UCK2: variants seen among roughly 807,000 people sequenced by gnomAD.
UCK2 encodes the protein cytidine monophosphokinase 2.
UCK2 carries 6 observed loss-of-function variants against 30.8 expected under a neutral mutation model. The observed-to-expected ratio is 0.19, with a 90% CI of 0.11 to 0.38. The LOEUF is 0.38. UCK2 is among the 10% of genes least tolerant of loss of function. The pLI is 1.00. For missense variants in UCK2, 210 were observed against 339.8 expected (o/e 0.62, Z 3.00); for synonymous variants, 125 against 133.6 (o/e 0.94, Z 0.45).
At chr1:165,884,735 G>A (rs1479110327) in intron 1 of UCK2, among the ~76,000 whole-genome samples, 1 of 152,244 alleles carries the variant, frequency 6.6e-6, no homozygotes, top group East Asian at 1.9e-4. Flanking sequence ...GCCACCTCCA[G>A]GGTGAGAACG....
intron 1 of UCK2, among the ~76,000 whole-genome samples, chr1:165,887,266 A>G (rs1655638345): frequency 6.6e-6 from 1 of 152,228 alleles, no homozygotes; most frequent in Non-Finnish European, 1.5e-5. Flanking sequence ...GGACTGAAAC[A>G]TGCAGCGGGG....
chr1:165,906,139 G>A (rs1647650655), intron 6 of UCK2, among the ~76,000 whole-genome samples, 170 bp downstream of exon 6: 1 of 152,194 alleles, frequency 6.6e-6, no homozygotes, highest in South Asian at 2.1e-4. Context: ...TCAGGAACAG[G>A]TCCCTGGGTG....
At chr1:165,851,943 A>G (rs937496092) in intron 1 of UCK2, among the ~76,000 whole-genome samples, 3 of 152,210 alleles carry the variant, frequency 2.0e-5, no homozygotes, top group Non-Finnish European at 2.9e-5. Context: ...ATAGTGTTGC[A>G]TGGAGTATAT....
In UCK2 at chr1:165,907,783, G is replaced by A; in HGVS notation, c.746G>A (p.Arg249His). Residue 249 changes from arginine to histidine, a missense_variant, in exon 7 of 7, where the codon CGC becomes CAC. Coordinates refer to ENST00000367879, the MANE Select transcript of UCK2 (RefSeq NM_012474.5). Reference sequence around the variant, plus strand: ...TGTCTCAACGGCTACACCCCTTCACGCAAGAGGCAGGCATCGGAGTCCAGC... The same window carrying A: ...TGTCTCAACGGCTACACCCCTTCACACAAGAGGCAGGCATCGGAGTCCAGC... Reference protein sequence around the residue: ...NGCLNGYTPSRKRQASESSSR... With the variant: ...NGCLNGYTPSHKRQASESSSR... 1 of 1,614,124 alleles carries A rather than the reference G, an allele frequency of 6.2e-7. No individual in the cohort carries two copies. Among genetic ancestry groups the A allele is most frequent in the Non-Finnish European group, 8.5e-7 (1 of 1,180,034 alleles).
chr1:165,856,230 G>A (rs72699981), intron 1 of UCK2, among the ~76,000 whole-genome samples: 16,949 of 151,862 alleles, frequency 0.11, 997 homozygotes, highest in African/African-American at 0.14. Context: ...CAGCTAATCA[G>A]TGGCCTAGCC....
intron 1 of UCK2, among the ~76,000 whole-genome samples, chr1:165,874,293 C>A (rs926359739): frequency 1.3e-5 from 2 of 151,956 alleles, no homozygotes; most frequent in Non-Finnish European, 2.9e-5. Flanking sequence ...TATGCTAGAC[C>A]CCTGTTGACT....
At chr1:165,849,417 G>A (rs778815712) in intron 1 of UCK2, among the ~76,000 whole-genome samples, 3 of 152,058 alleles carry the variant, frequency 2.0e-5, no homozygotes, top group Non-Finnish European at 4.4e-5. Flanking sequence ...GACCACAGCA[G>A]ATTTCTCTAT....
chr1:165,890,200 A>G lies in UCK2; in HGVS notation c.100-4A>G. ...TTCCTGGGTGCTCTCTTCTCTCCTC[A>G]CAGTCTTCCGTGTGTGCTAAGATCG... On this transcript the variant is annotated splice_region_variant and splice_polypyrimidine_tract_variant and intron_variant, in intron 1 of 6. Coordinates refer to ENST00000367879, the MANE Select transcript of UCK2 (RefSeq NM_012474.5). The G allele has an allele frequency of 3.1e-6, 5 of 1,613,628 alleles. No individual in the cohort carries two copies. The highest frequency in any genetic ancestry group is 4.2e-6 in the Non-Finnish European group (5 of 1,179,910).
intron 6 of UCK2, among the ~76,000 whole-genome samples, chr1:165,906,847 C>T (rs1257032108): frequency 1.3e-5 from 2 of 152,224 alleles, no homozygotes; most frequent in African/African-American, 4.8e-5. Context: ...TAAGTTATAG[C>T]AATAAATATT....
At chr1:165,863,056 A>C (rs140242188) in intron 1 of UCK2, among the ~76,000 whole-genome samples, 1 of 152,208 alleles carries the variant, frequency 6.6e-6, no homozygotes, top group Admixed American at 6.5e-5. Flanking sequence ...GTGCGAGCCA[A>C]TGGGTCCAGA....
intron 1 of UCK2, among the ~76,000 whole-genome samples, chr1:165,860,367 A>AG (rs1654864748): frequency 6.6e-6 from 1 of 152,098 alleles, no homozygotes; most frequent in African/African-American, 2.4e-5. Flanking sequence ...ACAAAAGTAG[A>AG]GGGGACTGTG....
intron 3 of UCK2, chr1:165,892,286 G>C (rs897476642): frequency 8.6e-5 from 13 of 151,764 alleles, no homozygotes; most frequent in Non-Finnish European, 1.9e-4. Flanking sequence ...ATGAATGAAG[G>C]CATTTCGTAT....
chr1:165,848,863 T>C (rs1410831333), intron 1 of UCK2, among the ~76,000 whole-genome samples: 1 of 152,102 alleles, frequency 6.6e-6, no homozygotes, highest in African/African-American at 2.4e-5. Flanking sequence ...TCAGAAAACA[T>C]GGTGGGTCAT....
chr1:165,828,927 A>AGCTGGGT (rs1273510023), intron 1 of UCK2, among the ~76,000 whole-genome samples: 2 of 152,024 alleles, frequency 1.3e-5, no homozygotes, highest in Admixed American at 6.5e-5. Context: ...GGATCCTGAG[A>AGCTGGGT]GCTGGGTGCT....
chr1:165,874,743 TA>T (rs1289663170), intron 1 of UCK2, among the ~76,000 whole-genome samples: 1 of 152,198 alleles, frequency 6.6e-6, no homozygotes, highest in African/African-American at 2.4e-5. Context: ...TATAGGTTGT[TA>T]AAATGGAAGA....
intron 1 of UCK2, among the ~76,000 whole-genome samples, chr1:165,888,205 GA>G (rs1655669687): frequency 6.6e-6 from 1 of 152,152 alleles, no homozygotes; most frequent in Admixed American, 6.6e-5. Flanking sequence ...AATCGTTGAT[GA>G]AATAAATTCA....
intron 1 of UCK2, among the ~76,000 whole-genome samples, chr1:165,889,675 C>T (rs1557846485): frequency 1.4e-5 from 2 of 144,154 alleles, no homozygotes; most frequent in African/African-American, 2.6e-5. Flanking sequence ...AAGGCGGACT[C>T]TTCTCCGTTA....
intron 3 of UCK2, chr1:165,895,899 A>G (rs895571412): frequency 3.5e-6 from 1 of 289,714 alleles, no homozygotes; most frequent in Non-Finnish European, 6.3e-6. Context: ...TTCATTCAAC[A>G]GCAGGTTTTT....
At chr1:165,839,970 G>A (rs1307366806) in intron 1 of UCK2, among the ~76,000 whole-genome samples, 1 of 151,400 alleles carries the variant, frequency 6.6e-6, no homozygotes, top group African/African-American at 2.4e-5. Flanking sequence ...GTGCTGCCCA[G>A]GCTGGAGTGT....
Sources: gnomAD v4.1 joint callset for allele counts (sites outside exome capture counted in the v4.1 genomes callset) on GRCh38, gnomAD v4.1.1 for gene constraint, MANE v1.5 for transcripts, NCBI Gene and HGNC (gene_info 2026-07-23, HGNC 2026-07-21) for gene names.